The following OR10A6 variants were observed in gnomAD, a reference collection of about 807,000 sequenced individuals.
The protein encoded by OR10A6 is olfactory receptor family 10 subfamily A member 6 (gene/pseudogene).
A neutral mutation model predicts 1.5 loss-of-function variants in OR10A6; 2 were observed. The observed-to-expected ratio is 1.31, with a 90% CI of 0.54 to 4.13. The LOEUF is 4.13. OR10A6 is among the 30% of genes most tolerant of loss of function. OR10A6 has a pLI of 0.07. For synonymous variants in OR10A6, 169 were observed against 137.3 expected, an observed-to-expected ratio of 1.23 and a Z score of -1.61; for missense variants, 492 against 368.6, an observed-to-expected ratio of 1.33 and a Z score of -2.74.
rs1368104797 is a variant in OR10A6, at chr11:7,928,072, G to T, written c.591C>A (p.Ile197=). The change falls in exon 4 of 4, where the codon ATC becomes ATA. Residue 197 remains isoleucine, a synonymous_variant. Transcript: ENST00000641238. ...TCAAAAAGGTGCCTGTGAATGCATA[G>T]ATTTCAAACAAAAACGTGTCTGCAC... The part of the protein sequence containing the change: ...LACADTFLFE[I]YAFTGTFLII... 1 of 1,613,776 alleles carries T rather than the reference G, an allele frequency of 6.2e-7. No homozygotes were observed. The highest frequency in any genetic ancestry group is 8.5e-7 in the Non-Finnish European group (1 of 1,179,968).
At chr11:7,930,541 A>G (rs555460689) in intron 3 of OR10A6, 26 bp from the exon 4 acceptor site, 1 of 152,156 alleles carries the variant, frequency 6.6e-6, no homozygotes, top group Non-Finnish European at 1.5e-5. Flanking sequence ...AGACAGGAGA[A>G]GACAAGTTAC....
Position 7,929,966 on chromosome 11 carries a change from G to GTATATATATGTA in OR10A6, c.-1305_-1304insTACATATATATA, listed in dbSNP as rs58402229. On this transcript the variant is annotated 5_prime_UTR_variant, in exon 4 of 4. Transcript: ENST00000641238. ...TCTAGTAAGGTATGTGTATGTGTAT[G>GTATATATATGTA]TATATATATATATATATATATATAT... The GTATATATATGTA allele has an allele frequency of 1.9e-4, 11 of 57,216 alleles. 1 individual carries two copies. Among genetic ancestry groups the GTATATATATGTA allele is most frequent in the Admixed American group, 1.4e-3 (6 of 4,158 alleles). 3.5% of individuals were successfully genotyped at this position (57,216 alleles called of 1,614,324 possible).
At position 7,927,717 on chromosome 11, in the gene OR10A6, G is replaced by A; in HGVS notation, c.*1C>T. 1 of 1,596,476 alleles carries A rather than the reference G, an allele frequency of 6.3e-7. No individual in the cohort carries two copies. Among genetic ancestry groups the A allele is most frequent in the South Asian group, 1.1e-5 (1 of 90,546 alleles). Reference sequence around the variant, plus strand: ...AAATCTTACATGGCTTCTCAACACAGTCAGATTGTGTGTAAAACCACTCGC... The same window carrying A: ...AAATCTTACATGGCTTCTCAACACAATCAGATTGTGTGTAAAACCACTCGC... On this transcript the variant is annotated 3_prime_UTR_variant, in exon 4 of 4. Coordinates refer to ENST00000641238, the MANE Select transcript of OR10A6 (RefSeq NM_001004461.2).
chr11:7,928,554 C>T lies in OR10A6; in HGVS notation c.109G>A (p.Val37Met). Residue 37 changes from valine to methionine, a missense_variant, in exon 4 of 4, where the codon GTG becomes ATG. Transcript: ENST00000641238. ...ATAATGGCATTTCCTATCAGGGTCA[C>T]CAGATAAATAACCAGGAAAGCCACA... The part of the protein sequence containing the change: ...LFVAFLVIYL[V>M]TLIGNAIIIV... 6.2e-7 allele frequency: 1 copy of T among 1,613,630 alleles called. No individual in the cohort carries two copies.
intron 3 of OR10A6, 166 bp downstream of exon 3, chr11:7,930,695 T>C (rs1859518147): frequency 6.6e-6 from 1 of 152,172 alleles, no homozygotes; most frequent in African/African-American, 2.4e-5. Context: ...TAAAATGCAT[T>C]TCTAATGGCA....
In OR10A6 at chr11:7,927,883, T is replaced by C. The variant is rs115742209; in HGVS notation, c.780A>G (p.Leu260=). ...LFYGTASMTY[L]QPKSGYSPET... is the part of the protein sequence containing the mutation. ...CCGGTGAGTAGCCAGATTTGGGTTG[T>C]AAATAAGTCATACTGGCTGTGCCAT... The change falls in exon 4 of 4, where the codon TTA becomes TTG. Residue 260 remains leucine, a synonymous_variant. Transcript: ENST00000641238. 3.8e-5 allele frequency: 62 copies of C among 1,613,984 alleles called. No individual in the cohort carries two copies. The African/African-American group carries it at 6.4e-4, about 17-fold the overall frequency.
In OR10A6 at chr11:7,928,422, T is replaced by C. The variant is rs1213859447; in HGVS notation, c.241A>G (p.Met81Val). 2 of 1,613,762 alleles carry C rather than the reference T, an allele frequency of 1.2e-6. No homozygotes were observed. The highest frequency in any genetic ancestry group is 2.7e-5 in the African/African-American group (2 of 74,886). ...TTTTCAGTAGAGAGGACCACCAGCA[T>C]TTCAGGCATAATAACTGCACTGAAA... is the stretch of plus-strand genomic sequence containing the variant. ...LSFSAVIMPE[M>V]LVVLSTEKTT... The change falls in exon 4 of 4, where the codon ATG becomes GTG. Residue 81 changes from methionine to valine, a missense_variant. Coordinates refer to ENST00000641238, the MANE Select transcript of OR10A6 (RefSeq NM_001004461.2).
chr11:7,928,977 C>A lies in OR10A6; in HGVS notation c.-315G>T. On this transcript the variant is annotated 5_prime_UTR_variant, in exon 4 of 4. Coordinates refer to ENST00000641238, the MANE Select transcript of OR10A6 (RefSeq NM_001004461.2). ...TATAAATACTTTATACCTTAGGTTC[C>A]AATCCCATAACATTGGTGCAAGTGT... The A allele has an allele frequency of 4.0e-6, 1 of 247,574 alleles. No individual in the cohort carries two copies. Among genetic ancestry groups the A allele is most frequent in the Non-Finnish European group, 7.6e-6 (1 of 132,010 alleles). The allele number at this position is 247,574 out of a possible 1,614,324, so 15.3% of individuals were successfully genotyped here.
Position 7,928,216 on chromosome 11 carries a change from C to G in OR10A6, c.447G>C (p.Trp149Cys). The G allele has an allele frequency of 1.9e-6, 3 of 1,610,594 alleles. No individual in the cohort carries two copies. The highest frequency in any genetic ancestry group is 2.2e-5 in the South Asian group (2 of 90,734). The change falls in exon 4 of 4, where the codon TGG (tryptophan) becomes TGC (cysteine). Residue 149 changes from tryptophan (W) to cysteine (C), a missense_variant. Coordinates refer to ENST00000641238, the MANE Select transcript of OR10A6 (RefSeq NM_001004461.2). ...CAGTACCTAACATAAAACCTAAGGCCCATGAAAATATAATTAATTTCATAA... is the reference window on the plus strand; with the variant it reads ...CAGTACCTAACATAAAACCTAAGGCGCATGAAAATATAATTAATTTCATAA... ...GVFMKLIIFS[W>C]ALGFMLGTVQ...
At position 7,925,698 on chromosome 11, in the gene OR10A6, A is replaced by C. The variant is rs1036656414; in HGVS notation, c.*2020T>G. 47 of 152,204 alleles carry C rather than the reference A, an allele frequency of 3.1e-4. No homozygotes were observed. Among genetic ancestry groups the C allele is most frequent in the African/African-American group, 1.1e-3 (45 of 41,460 alleles). The allele number at this position is 152,204 out of a possible 1,614,324, so 9.4% of individuals were successfully genotyped here. A position where few individuals can be genotyped will look rare whatever the true frequency, so the allele number is the denominator to read the frequency against. ...TTTGCTGATTTGTTCGTTTTACATA[A>C]GTCTTACTTAATTGGTTCTTTTAAA... is the stretch of plus-strand genomic sequence containing the variant. On this transcript the variant is annotated 3_prime_UTR_variant, in exon 4 of 4. Transcript: ENST00000641238.
rs1859492943 is a variant in OR10A6, at chr11:7,929,757, C to CAG, written c.-1096_-1095insCT. On this transcript the variant is annotated 5_prime_UTR_variant, in exon 4 of 4. An upstream open reading frame in the 5' UTR loses its in-frame stop. Transcript: ENST00000641238. ...ATATATATATATATATATATATATACACACACATGCACACATATATATACA... is the reference window on the plus strand; with the variant it reads ...ATATATATATATATATATATATATACAGACACACATGCACACATATATATACA... The CAG allele has an allele frequency of 1.4e-5, 1 of 72,490 alleles. No homozygotes were observed. The highest frequency in any genetic ancestry group is 4.4e-5 in the African/African-American group (1 of 22,602). The allele number at this position is 72,490 out of a possible 1,614,324, so 4.5% of individuals were successfully genotyped here.
intron 1 of OR10A6, 91 bp from the exon 2 acceptor site, chr11:7,931,104 C>G (rs1292021540): frequency 1.3e-5 from 2 of 152,174 alleles, no homozygotes; most frequent in Non-Finnish European, 2.9e-5. Flanking sequence ...AGCACTGAGC[C>G]ATCACTTCAA....
In OR10A6 at chr11:7,931,202, G is replaced by A. The variant is rs1469578178; in HGVS notation, c.-1915C>T. The stretch of plus-strand genomic sequence containing the variant: ...CAGAATATGCACTTTTTTACCTGTT[G>A]ACTCTGTCTCTTTAATTTTCATACT... On this transcript the variant is annotated 5_prime_UTR_variant, in exon 1 of 4. Coordinates refer to ENST00000641238, the MANE Select transcript of OR10A6 (RefSeq NM_001004461.2). 2 of 152,114 alleles carry A rather than the reference G, an allele frequency of 1.3e-5. No individual in the cohort carries two copies. The highest frequency in any genetic ancestry group is 2.9e-5 in the Non-Finnish European group (2 of 68,022). The allele number at this position is 152,114 out of a possible 1,614,324, so 9.4% of individuals were successfully genotyped here.
chr11:7,925,889 T>G lies in OR10A6; in HGVS notation c.*1829A>C, dbSNP rs1378098375. 4 of 152,208 alleles carry G rather than the reference T, an allele frequency of 2.6e-5. No individual in the cohort carries two copies. The highest frequency in any genetic ancestry group is 4.4e-5 in the Non-Finnish European group (3 of 68,040). 9.4% of individuals were successfully genotyped at this position (152,208 alleles called of 1,614,324 possible). A position where few individuals can be genotyped will look rare whatever the true frequency, so the allele number is the denominator to read the frequency against. On this transcript the variant is annotated 3_prime_UTR_variant, in exon 4 of 4. Coordinates refer to ENST00000641238, the MANE Select transcript of OR10A6 (RefSeq NM_001004461.2). ...CTAGGCAGATGGGGTGGGTTCCTGG[T>G]GAAACCCCACCTCTAAACAAAAGAC...
Position 7,929,765 on chromosome 11 carries a change from T to C in OR10A6, c.-1103A>G, listed in dbSNP as rs1028904762. The C allele has an allele frequency of 3.2e-5, 4 of 126,180 alleles. No individual in the cohort carries two copies. The highest frequency in any genetic ancestry group is 6.8e-5 in the Non-Finnish European group (4 of 58,598). The allele number at this position is 126,180 out of a possible 1,614,324, so 7.8% of individuals were successfully genotyped here. A position where few individuals can be genotyped will look rare whatever the true frequency, so the allele number is the denominator to read the frequency against. Reference sequence around the variant, plus strand: ...ATATATATATATATATACACACACATGCACACATATATATACACAACTGAG... The same window carrying C: ...ATATATATATATATATACACACACACGCACACATATATATACACAACTGAG... On this transcript the variant is annotated 5_prime_UTR_variant, in exon 4 of 4. An upstream start codon of the reference 5' UTR is lost. Transcript: ENST00000641238.
rs561160115 is a variant in OR10A6 at position 7,925,238 on chromosome 11, G to C, written c.*2480C>G. 6.6e-6 allele frequency: 1 copy of C among 152,032 alleles called. No homozygotes were observed. Among genetic ancestry groups the C allele is most frequent in the African/African-American group, 2.4e-5 (1 of 41,388 alleles). 9.4% of individuals were successfully genotyped at this position (152,032 alleles called of 1,614,324 possible). ...GCATACTAACAATTTCTATTCATCA[G>C]AATAACATAAAAATTTTAAACTATG... On this transcript the variant is annotated 3_prime_UTR_variant, in exon 4 of 4. Coordinates refer to ENST00000641238, the MANE Select transcript of OR10A6 (RefSeq NM_001004461.2).
chr11:7,928,245 C>G lies in OR10A6; in HGVS notation c.418G>C (p.Val140Leu). ...GAAAATATAATTAATTTCATAAAAA[C>G]TCCTTTATTCATAATCATTTGGTAG... ...LNYQMIMNKG[V>L]FMKLIIFSWA... The change falls in exon 4 of 4, where the codon GTT becomes CTT. Residue 140 changes from valine (V) to leucine (L), a missense_variant. By Grantham distance (32) the Val-to-Leu change is conservative. Coordinates refer to ENST00000641238, the MANE Select transcript of OR10A6 (RefSeq NM_001004461.2). 1 of 1,612,614 alleles carries G rather than the reference C, an allele frequency of 6.2e-7. No individual in the cohort carries two copies. The highest frequency in any genetic ancestry group is 8.5e-7 in the Non-Finnish European group (1 of 1,179,436).
chr11:7,929,745 T>TAGA lies in OR10A6; in HGVS notation c.-1084_-1083insTCT. 1 of 101,564 alleles carries TAGA rather than the reference T, an allele frequency of 9.8e-6. No homozygotes were observed. The highest frequency in any genetic ancestry group is 1.1e-4 in the Admixed American group (1 of 8,910). The allele number at this position is 101,564 out of a possible 1,614,324, so 6.3% of individuals were successfully genotyped here. A position where few individuals can be genotyped will look rare whatever the true frequency, so the allele number is the denominator to read the frequency against. ...GTACATATATATATATATATATATATATATATATATACACACACATGCACA... is the reference window on the plus strand; with the variant it reads ...GTACATATATATATATATATATATATAGAATATATATATACACACACATGCACA... On this transcript the variant is annotated 5_prime_UTR_variant, in exon 4 of 4. Coordinates refer to ENST00000641238, the MANE Select transcript of OR10A6 (RefSeq NM_001004461.2).
At position 7,927,748 on chromosome 11, in the gene OR10A6, C is replaced by T. The variant is rs1287206630; in HGVS notation, c.915G>A (p.Trp305Ter). Residue 305 changes from tryptophan to a stop codon, truncating the protein, a stop_gained, in exon 4 of 4, where the codon TGG becomes TGA. Coordinates refer to ENST00000641238, the MANE Select transcript of OR10A6 (RefSeq NM_001004461.2). LOFTEE classifies it low-confidence loss of function (END_TRUNC). Reference sequence around the variant, plus strand: ...TTGTGTGTAAAACCACTCGCCTTCGCCATAATTTCATCAAAGCCCTCTTCA... The same window carrying T: ...TTGTGTGTAAAACCACTCGCCTTCGTCATAATTTCATCAAAGCCCTCTTCA... ...SEMKRALMKL[W>*]RRRVVLHTI The T allele has an allele frequency of 2.5e-6, 4 of 1,613,456 alleles. No homozygotes were observed. Among genetic ancestry groups the T allele is most frequent in the Non-Finnish European group, 3.4e-6 (4 of 1,179,674 alleles).
Sources: gnomAD v4.1 joint callset for allele counts on GRCh38, gnomAD v4.1.1 for gene constraint, MANE v1.5 for transcripts, NCBI Gene and HGNC (gene_info 2026-07-23, HGNC 2026-07-21) for gene names.